TLR8: variants seen among roughly 807,000 people sequenced by gnomAD.
The protein encoded by TLR8 is toll-like receptor 8.
Under a neutral mutation model 18.5 loss-of-function variants are expected in TLR8, and 5 were observed. The ratio of observed to expected loss-of-function variants is 0.27; its 90% CI spans 0.14 to 0.57. TLR8 has a LOEUF of 0.57. Ranked by LOEUF, TLR8 falls within the 20% of genes least tolerant of loss-of-function variation. TLR8 has a pLI of 0.92. For missense variants in TLR8, 543 were observed against 769.8 expected, an observed-to-expected ratio of 0.71 and a Z score of 3.49; for synonymous variants, 299 against 300.1, an observed-to-expected ratio of 1.00 and a Z score of 0.04.
In TLR8 at chrX:12,920,051, C is replaced by T. The variant is rs2043083174; in HGVS notation, c.1011C>T (p.Pro337=). ...CTGGGGCATTTTTAACGATGCTGCC[C>T]CGCTTAGAAATACTTGACTTGTCTT... ...IASGAFLTML[P]RLEILDLSFN... Residue 337 remains proline, a synonymous_variant, in exon 2 of 2, where the codon CCC becomes CCT. Transcript: ENST00000218032. 1 of 1,208,632 alleles carries T rather than the reference C, an allele frequency of 8.3e-7. No individual in the cohort carries two copies. Among genetic ancestry groups the T allele is most frequent in the African/African-American group, 1.8e-5 (1 of 56,931 alleles).
rs376513385 is a variant in TLR8 at position 12,921,658 on chromosome X, T to C, written c.2618T>C (p.Leu873Pro). ...CLAKVKGYRSLSTSQTFYDAY... is the reference protein window; with the variant it reads ...CLAKVKGYRSPSTSQTFYDAY... ...GCTAAGGTAAAAGGCTACAGGTCTC[T>C]TTCCACATCCCAAACTTTCTATGAT... The change falls in exon 2 of 2, where the codon CTT (leucine) becomes CCT (proline). Residue 873 changes from leucine (L) to proline (P), a missense_variant. Around this residue, in one of 4 missense-constraint regions of TLR8, gnomAD observed 227 missense variants for 312.9 expected, o/e 0.73. Transcript: ENST00000218032. 9.1e-6 allele frequency: 11 copies of C among 1,210,311 alleles called. No homozygotes were observed. The South Asian group carries it at 1.1e-4, about 12-fold the overall frequency.
intron 1 of TLR8, chrX:12,910,477 C>G: frequency 3.5e-6 from 4 of 1,157,658 alleles, no homozygotes; most frequent in Non-Finnish European, 4.6e-6. Flanking sequence ...GACAGCTTTA[C>G]GCCCCTCCCA....
Position 12,919,153 on chromosome X carries a change from A to G in TLR8, c.113A>G (p.Glu38Gly). Residue 38 changes from glutamate to glycine, a missense_variant, in exon 2 of 2, where the codon GAG (glutamate) becomes GGG (glycine). Glu to Gly is a moderately conservative substitution (Grantham distance 98). Around this residue, in one of 4 missense-constraint regions of TLR8, gnomAD observed 117 missense variants for 111.0 expected, o/e 1.05. Coordinates refer to ENST00000218032, the MANE Select transcript of TLR8 (RefSeq NM_138636.5). ...ENFSRSYPCD[E>G]KKQNDSVIAE... ...TTTTCTAGAAGCTATCCTTGTGATG[A>G]GAAAAAGCAAAATGACTCAGTTATT... 1 of 1,211,998 alleles carries G rather than the reference A, an allele frequency of 8.3e-7. No individual in the cohort carries two copies. Among genetic ancestry groups the G allele is most frequent in the Non-Finnish European group, 1.1e-6 (1 of 895,597 alleles).
At chrX:12,918,231 C>T (rs2043068571) in intron 1 of TLR8, among the ~76,000 whole-genome samples, 1 of 110,905 alleles carries the variant, frequency 9.0e-6, no homozygotes, top group South Asian at 3.8e-4. Context: ...GTGGGAAATA[C>T]CAGTAAGAGA....
chrX:12,913,745 A>G (rs1371372593), intron 1 of TLR8, among the ~76,000 whole-genome samples: 1 of 112,124 alleles, frequency 8.9e-6, no homozygotes, highest in African/African-American at 3.2e-5. Flanking sequence ...TATGTTTCCA[A>G]TTGTGATAGA....
Position 12,919,678 on chromosome X carries a change from T to C in TLR8, c.638T>C (p.Leu213Pro). 1 of 1,211,367 alleles carries C rather than the reference T, an allele frequency of 8.3e-7. No homozygotes were observed. Among genetic ancestry groups the C allele is most frequent in the Non-Finnish European group, 1.1e-6 (1 of 895,297 alleles). ...LELLSLSFNS[L>P]SHVPPKLPSS... ...TTGCTATCACTATCTTTCAATTCTC[T>C]TTCACACGTGCCACCCAAACTGCCA... The change falls in exon 2 of 2, where the codon CTT becomes CCT. Residue 213 changes from leucine (L) to proline (P), a missense_variant. Transcript: ENST00000218032.
In TLR8 at chrX:12,918,151, T is replaced by C. The variant is rs5744070; in HGVS notation, c.4-893T>C. On this transcript the variant is annotated intron_variant, in intron 1 of 1. Coordinates refer to ENST00000218032, the MANE Select transcript of TLR8 (RefSeq NM_138636.5). ...ATTTTGTTTGTTATTATTATCAACA[T>C]AAAGTGCCCACTTTCCAGTCATGCA... is the stretch of plus-strand genomic sequence containing the variant. Among the ~76,000 whole-genome samples the C allele has an allele frequency of 2.4e-3, 275 of 112,493 alleles. 5 individuals are homozygous for C. Among genetic ancestry groups the C allele is most frequent in the African/African-American group, 8.1e-3 (252 of 30,968 alleles).
At chrX:12,906,819 C>T (rs982780884) in intron 1 of TLR8, 110 bp downstream of exon 1, 6 of 645,926 alleles carry the variant, frequency 9.3e-6, no homozygotes, top group Non-Finnish European at 1.3e-5. Flanking sequence ...AATAAATGGG[C>T]AAATAAGGAT....
At chrX:12,917,994 A>C (rs2043066773) in intron 1 of TLR8, among the ~76,000 whole-genome samples, 1 of 112,151 alleles carries the variant, frequency 8.9e-6, no homozygotes, top group East Asian at 2.8e-4. Flanking sequence ...TCCTTCAAAA[A>C]GGTACTTAAG....
intron 1 of TLR8, among the ~76,000 whole-genome samples, chrX:12,912,334 G>A (rs1477952257): frequency 8.9e-6 from 1 of 112,833 alleles, no homozygotes; most frequent in African/African-American, 3.2e-5. Context: ...GGTAGTCAGA[G>A]GCATGGGTGT....
In TLR8 at chrX:12,923,059, T is replaced by A; in HGVS notation, c.*893T>A. 8.9e-6 allele frequency: 1 copy of A among 112,319 alleles called. No homozygotes were observed. Among genetic ancestry groups the A allele is most frequent in the South Asian group, 3.7e-4 (1 of 2,737 alleles). 9.3% of individuals were successfully genotyped at this position (112,319 alleles called of 1,213,427 possible). A position where few individuals can be genotyped will look rare whatever the true frequency, so the allele number is the denominator to read the frequency against. On this transcript the variant is annotated 3_prime_UTR_variant, in exon 2 of 2. Transcript: ENST00000218032. ...GATAGCTTTTAAAGCATCTTTTACT[T>A]CTTACCATTTTTTAAAAGTATGCAG...
In TLR8 at chrX:12,921,209, G is replaced by A. The variant is rs2043091813; in HGVS notation, c.2169G>A (p.Arg723=). ...GGACACTGCTGCTGAGTCATAACAG[G>A]ATTTCCCACCTACCCTCTGGCTTTC... is the stretch of plus-strand genomic sequence containing the variant. The part of the protein sequence containing the change: ...SLRTLLLSHN[R]ISHLPSGFLS... The change falls in exon 2 of 2, where the codon AGG becomes AGA. Residue 723 remains arginine, a synonymous_variant. Transcript: ENST00000218032. 2 of 1,210,066 alleles carry A rather than the reference G, an allele frequency of 1.7e-6. No individual in the cohort carries two copies. Among genetic ancestry groups the A allele is most frequent in the Non-Finnish European group, 2.2e-6 (2 of 895,315 alleles).
At chrX:12,911,441 A>G (rs2043020455) in intron 1 of TLR8, among the ~76,000 whole-genome samples, 1 of 111,159 alleles carries the variant, frequency 9.0e-6, no homozygotes, top group Admixed American at 9.5e-5. Context: ...ACCTCTCCTC[A>G]TGTGGGTGGC....
Position 12,920,699 on chromosome X carries a change from G to A in TLR8, c.1659G>A (p.Leu553=), listed in dbSNP as rs145872564. 65 of 1,210,509 alleles carry A rather than the reference G, an allele frequency of 5.4e-5. No individual in the cohort carries two copies. The African/African-American group carries it at 9.7e-4, about 18-fold the overall frequency. Residue 553 remains leucine, a synonymous_variant, in exon 2 of 2, where the codon TTG becomes TTA. Coordinates refer to ENST00000218032, the MANE Select transcript of TLR8 (RefSeq NM_138636.5). ...DFDNASALTE[L]SDLEVLDLSY... Reference sequence around the variant, plus strand: ...ATAATGCTAGTGCTCTTACTGAATTGTCCGACTTGGAAGTTCTAGATCTCA... The same window carrying A: ...ATAATGCTAGTGCTCTTACTGAATTATCCGACTTGGAAGTTCTAGATCTCA...
In TLR8 at chrX:12,920,140, T is replaced by C. The variant is rs941645752; in HGVS notation, c.1100T>C (p.Leu367Ser). ...INISRNFSKL[L>S]SLRALHLRGY... The stretch of plus-strand genomic sequence containing the variant: ...ATTTCCAGAAACTTCTCTAAACTTT[T>C]GTCTCTACGGGCATTGCATTTAAGA... The change falls in exon 2 of 2, where the codon TTG becomes TCG. Residue 367 changes from leucine (L) to serine (S), a missense_variant. Leu to Ser is a moderately radical substitution (Grantham distance 145). Coordinates refer to ENST00000218032, the MANE Select transcript of TLR8 (RefSeq NM_138636.5). 8.3e-7 allele frequency: 1 copy of C among 1,209,543 alleles called. No individual in the cohort carries two copies. Among genetic ancestry groups the C allele is most frequent in the African/African-American group, 1.7e-5 (1 of 57,164 alleles).
intron 1 of TLR8, among the ~76,000 whole-genome samples, chrX:12,911,645 A>C (rs5744047): frequency 0.036 from 3,992 of 112,101 alleles, 168 homozygotes; most frequent in African/African-American, 0.12. Context: ...TCAACCTAAA[A>C]ACTCCCCTTT....
intron 1 of TLR8, among the ~76,000 whole-genome samples, chrX:12,915,683 C>T (rs932022290): frequency 8.9e-6 from 1 of 112,163 alleles, no homozygotes; most frequent in Non-Finnish European, 1.9e-5. Flanking sequence ...AGCTGATGTG[C>T]CTTGTCTTAG....
In TLR8 at chrX:12,922,203, T is replaced by C; in HGVS notation, c.*37T>C. 1 of 1,153,088 alleles carries C rather than the reference T, an allele frequency of 8.7e-7. No individual in the cohort carries two copies. Among genetic ancestry groups the C allele is most frequent in the South Asian group, 2.0e-5 (1 of 48,876 alleles). On this transcript the variant is annotated 3_prime_UTR_variant, in exon 2 of 2. Coordinates refer to ENST00000218032, the MANE Select transcript of TLR8 (RefSeq NM_138636.5). The stretch of plus-strand genomic sequence containing the variant: ...TCATGATTTCGCGCCATAATAAAGA[T>C]GCAAAGGAATGACATTTCTGTATTA...
chrX:12,920,576 G>C lies in TLR8; in HGVS notation c.1536G>C (p.Leu512=). The change falls in exon 2 of 2, where the codon CTG becomes CTC. Residue 512 remains leucine (L), a synonymous_variant. Transcript: ENST00000218032. ...TTCCTGACATTGCCTGTTTAAATCT[G>C]TCTGCAAATAGCAATGCTCAAGTGT... ...ENLPDIACLN[L]SANSNAQVLS... is the part of the protein sequence containing the mutation. 1 of 1,210,732 alleles carries C rather than the reference G, an allele frequency of 8.3e-7. No homozygotes were observed. Among genetic ancestry groups the C allele is most frequent in the Non-Finnish European group, 1.1e-6 (1 of 895,088 alleles).
Sources: allele counts gnomAD v4.1 joint callset (sites outside exome capture counted in the v4.1 genomes callset), GRCh38; gene constraint gnomAD v4.1.1; regional missense constraint gnomAD v4.1.1; transcripts MANE v1.5; gene names NCBI Gene and HGNC (gene_info 2026-07-23, HGNC 2026-07-21).